The following ALG1 variants were observed in gnomAD, a reference collection of about 807,000 sequenced individuals.
The protein encoded by ALG1 is chitobiosyldiphosphodolichol beta-mannosyltransferase.
In ALG1, 58 loss-of-function variants were observed where a neutral mutation model predicts 55.1. The observed-to-expected ratio is 1.05, with a 90% CI of 0.85 to 1.31. ALG1 has a LOEUF of 1.31. Ranked by LOEUF, ALG1 falls within the 50% of genes most tolerant of loss-of-function variation. The pLI, the probability that ALG1 is intolerant of heterozygous loss-of-function variation, is 0.00. For synonymous variants in ALG1, 309 were observed against 247.0 expected, an observed-to-expected ratio of 1.25 and a Z score of -2.35; for missense variants, 761 against 598.6, an observed-to-expected ratio of 1.27 and a Z score of -2.83.
intron 10 of ALG1, 89 bp downstream of exon 10, chr16:5,081,145 A>T (rs1295625005): frequency 1.8e-5 from 25 of 1,373,578 alleles, no homozygotes; most frequent in Admixed American, 4.1e-5. Flanking sequence ...TCTGGAGGCC[A>T]CTGGGGGACG....
At chr16:5,072,542 C>T (rs1417238346) in intron 1 of ALG1, among the ~76,000 whole-genome samples, 1 of 152,182 alleles carries the variant, frequency 6.6e-6, no homozygotes, top group African/African-American at 2.4e-5. Context: ...GAGAGGGTAG[C>T]TCAACCCCAT....
chr16:5,072,823 G>C (rs909226048), intron 1 of ALG1, 128 bp from the exon 2 acceptor site: 1 of 903,536 alleles, frequency 1.1e-6, no homozygotes, highest in South Asian at 1.3e-5. Flanking sequence ...TGGCTAGTGA[G>C]GAGCAGAGAG....
At chr16:5,074,104 T>A (rs1956867239) in intron 3 of ALG1, among the ~76,000 whole-genome samples, 1 of 152,148 alleles carries the variant, frequency 6.6e-6, no homozygotes. Context: ...TACTTTTTTT[T>A]TTAAATCAAT....
intron 4 of ALG1, 48 bp from the exon 5 acceptor site, chr16:5,077,397 A>G (rs1344841073): frequency 6.7e-7 from 1 of 1,493,386 alleles, no homozygotes; most frequent in Non-Finnish European, 9.3e-7. Flanking sequence ...CTGTGGTGGT[A>G]GCGGAGGCCT....
chr16:5,078,881 C>A lies in ALG1; in HGVS notation c.862+3C>A. The A allele has an allele frequency of 6.2e-7, 1 of 1,611,284 alleles. No homozygotes were observed. Reference sequence around the variant, plus strand: ...GGTCAGCAGCACGAGCTGGACAGGTCTGCAGGACCCCTGGGGCACTTGGGG... The same window carrying A: ...GGTCAGCAGCACGAGCTGGACAGGTATGCAGGACCCCTGGGGCACTTGGGG... On this transcript the variant is annotated splice_donor_region_variant and intron_variant, in intron 7 of 12. Coordinates refer to ENST00000262374, the MANE Select transcript of ALG1 (RefSeq NM_019109.5).
At chr16:5,072,092 T>C in intron 1 of ALG1, 35 bp downstream of exon 1, 5 of 1,552,252 alleles carry the variant, frequency 3.2e-6, no homozygotes, top group Non-Finnish European at 4.4e-6. Context: ...GACGATGCTC[T>C]CTCAGCCGTT....
intron 6 of ALG1, chr16:5,078,314 C>T: frequency 3.2e-6 from 2 of 628,188 alleles, no homozygotes; most frequent in Middle Eastern, 4.3e-4. Context: ...TTGTGGACCC[C>T]TGCGCTGTCT....
At chr16:5,074,874 T>C (rs1956880715) in intron 3 of ALG1, among the ~76,000 whole-genome samples, 1 of 152,196 alleles carries the variant, frequency 6.6e-6, no homozygotes, top group Non-Finnish European at 1.5e-5. Flanking sequence ...TCTTGGACTT[T>C]TCAGGTTGGT....
At chr16:5,081,110 G>GGC in intron 10 of ALG1, 54 bp downstream of exon 10, 10 of 519,944 alleles carry the variant, frequency 1.9e-5, no homozygotes, top group South Asian at 3.1e-5. Flanking sequence ...GGGTGGGCGG[G>GGC]ATGTACTTTT....
rs763528016 is a variant in ALG1, at chr16:5,072,044, C to T, written c.195C>T (p.Leu65=). 3.8e-6 allele frequency: 6 copies of T among 1,584,280 alleles called. No individual in the cohort carries two copies. The highest frequency in any genetic ancestry group is 1.1e-5 in the South Asian group (1 of 87,282). ...CCATGCACGGCTTCTCGGTGACCCT[C>T]CTGGGGTTCTGCAGTGAGTGGCCAA... ...SLAMHGFSVT[L]LGFCNSKPHD... Residue 65 remains leucine (L), a synonymous_variant, in exon 1 of 13, where the codon CTC becomes CTT. Coordinates refer to ENST00000262374, the MANE Select transcript of ALG1 (RefSeq NM_019109.5).
chr16:5,075,270 T>C (rs1248800633), intron 3 of ALG1, 118 bp from the exon 4 acceptor site: 11 of 1,139,218 alleles, frequency 9.7e-6, no homozygotes, highest in African/African-American at 1.5e-5. Context: ...TTCTGCTTAT[T>C]ATCAAGAGCT....
In ALG1 at chr16:5,079,102, A is replaced by C. The variant is rs753600353; in HGVS notation, c.901A>C (p.Lys301Gln). ...CTCCATCCTGCTGGCAGCTTTAGAA[A>C]GTAGGTGTGTGGCTGCGGTGAGGAG... ...DFSILLAALE[K>Q]FEQLTLDGHN... Residue 301 changes from lysine to glutamine, a missense_variant and splice_region_variant, in exon 8 of 13, where the codon AAG (lysine) becomes CAG (glutamine). By Grantham distance (53) the Lys-to-Gln change is moderately conservative (BLOSUM62 1). Coordinates refer to ENST00000262374, the MANE Select transcript of ALG1 (RefSeq NM_019109.5). 1.3e-5 allele frequency: 21 copies of C among 1,596,962 alleles called. No individual in the cohort carries two copies. In the Admixed American group the frequency reaches 3.3e-4, roughly 25 times the overall value.
Position 5,073,002 on chromosome 16 carries a change from G to A in ALG1, c.260G>A (p.Gly87Glu). 1 of 1,614,158 alleles carries A rather than the reference G, an allele frequency of 6.2e-7. No individual in the cohort carries two copies. The highest frequency in any genetic ancestry group is 1.7e-5 in the Admixed American group (1 of 60,020). ...CAGAACAACAGAATTCAGATTGTGG[G>A]GTTGACAGAACTTCAGAGTCTTGCA... ...LLQNNRIQIV[G>E]LTELQSLAVG... The change falls in exon 2 of 13, where the codon GGG becomes GAG. Residue 87 changes from glycine (G) to glutamate (E), a missense_variant. Transcript: ENST00000262374.
At position 5,082,566 on chromosome 16, in the gene ALG1, G is replaced by A. The variant is rs143939207; in HGVS notation, c.1080G>A (p.Ala360=). 7.1e-3 allele frequency: 11,481 copies of A among 1,611,954 alleles called. 52 individuals are homozygous for A. The highest frequency in any genetic ancestry group is 9.2e-3 in the Non-Finnish European group (10,807 of 1,179,832). Residue 360 remains alanine (A), a synonymous_variant, in exon 11 of 13, where the codon GCG becomes GCA. Transcript: ENST00000262374. ...AEDYPLLLGS[A]DLGVCLHTSS... ...ACCCCTCTTGCCTAGCAGGGTCGGC[G>A]GACCTGGGTGTCTGTCTGCACACGT... is the stretch of plus-strand genomic sequence containing the variant.
Position 5,082,673 on chromosome 16 carries a change from G to T in ALG1, c.1187G>T (p.Cys396Phe). ...CLPVCAVNFK[C>F]LHELVKHEEN... is the part of the protein sequence containing the mutation. ...CCTGTGTGTGCTGTGAACTTCAAGTGGTAGGAGCAGAACCCAAATCCTTCT... is the reference window on the plus strand; with the variant it reads ...CCTGTGTGTGCTGTGAACTTCAAGTTGTAGGAGCAGAACCCAAATCCTTCT... Residue 396 changes from cysteine (C) to phenylalanine (F), a missense_variant and splice_region_variant, in exon 11 of 13, where the codon TGT becomes TTT. By Grantham distance (205) the Cys-to-Phe change is radical (BLOSUM62 -2). Transcript: ENST00000262374. The T allele has an allele frequency of 1.2e-6, 2 of 1,611,308 alleles. No individual in the cohort carries two copies. The highest frequency in any genetic ancestry group is 8.5e-7 in the Non-Finnish European group (1 of 1,179,854).
In ALG1 at chr16:5,072,959, C is replaced by G. The variant is rs2142701201; in HGVS notation, c.217C>G (p.Pro73Ala). ...VTLLGFCNSK[P>A]HDELLQNNRI... The stretch of plus-strand genomic sequence containing the variant: ...TCATTCTCATTTTTCAGACTCCAAA[C>G]CCCATGATGAGCTCTTGCAGAACAA... Residue 73 changes from proline to alanine, a missense_variant, in exon 2 of 13, where the codon CCC (proline) becomes GCC (alanine). Coordinates refer to ENST00000262374, the MANE Select transcript of ALG1 (RefSeq NM_019109.5). 1 of 1,614,156 alleles carries G rather than the reference C, an allele frequency of 6.2e-7. No individual in the cohort carries two copies. Among genetic ancestry groups the G allele is most frequent in the Middle Eastern group, 1.6e-4 (1 of 6,062 alleles).
In ALG1 at chr16:5,085,399, C is replaced by T. The variant is rs1017716654; in HGVS notation, c.*518C>T. ...ATGCTATTTTTGGAGCCAGAATTTTCATGTCTGATTTATGGTGATTTTCTT... is the reference window on the plus strand; with the variant it reads ...ATGCTATTTTTGGAGCCAGAATTTTTATGTCTGATTTATGGTGATTTTCTT... On this transcript the variant is annotated 3_prime_UTR_variant, in exon 13 of 13. Coordinates refer to ENST00000262374, the MANE Select transcript of ALG1 (RefSeq NM_019109.5). 9 of 559,398 alleles carry T rather than the reference C, an allele frequency of 1.6e-5. No homozygotes were observed. Among genetic ancestry groups the T allele is most frequent in the Non-Finnish European group, 2.6e-5 (8 of 303,758 alleles). The allele number at this position is 559,398 out of a possible 1,614,324, so 34.7% of individuals were successfully genotyped here. A position where few individuals can be genotyped will look rare whatever the true frequency, so the allele number is the denominator to read the frequency against.
Position 5,082,314 on chromosome 16 carries a change from A to G in ALG1, c.1073-245A>G, listed in dbSNP as rs1428797307. ...GGTGACAGAATGAGACTCTGTCTCAAAACAAAACAACACAACAACAAAAAA... is the reference window on the plus strand; with the variant it reads ...GGTGACAGAATGAGACTCTGTCTCAGAACAAAACAACACAACAACAAAAAA... On this transcript the variant is annotated intron_variant, in intron 10 of 12. Transcript: ENST00000262374. Among the ~76,000 whole-genome samples the G allele has an allele frequency of 6.7e-5, 10 of 148,470 alleles. 1 individual carries two copies. Among genetic ancestry groups the G allele is most frequent in the Admixed American group, 4.2e-4 (6 of 14,422 alleles).
intron 3 of ALG1, among the ~76,000 whole-genome samples, chr16:5,074,596 T>C (rs1168888342): frequency 1.3e-5 from 2 of 152,248 alleles, no homozygotes; most frequent in Admixed American, 6.5e-5. Flanking sequence ...AGCGAGCATA[T>C]GCCTTTTGTA....
Sources: allele counts gnomAD v4.1 joint callset (sites outside exome capture counted in the v4.1 genomes callset), GRCh38; gene constraint gnomAD v4.1.1; transcripts MANE v1.5; gene names NCBI Gene and HGNC (gene_info 2026-07-23, HGNC 2026-07-21).